PTPRJ: variants seen among roughly 807,000 people sequenced by gnomAD.
The protein encoded by PTPRJ is receptor-type tyrosine-protein phosphatase eta.
PTPRJ carries 129 observed loss-of-function variants against 141.3 expected under a neutral mutation model. The ratio of observed to expected loss-of-function variants is 0.91; its 90% CI spans 0.79 to 1.06. The LOEUF is 1.06. Among genes scored for constraint, PTPRJ ranks in the 50% least tolerant of loss-of-function variants. The probability of loss-of-function intolerance (pLI) is 0.00; values close to 1 mark genes in which losing one functional copy is unlikely to be tolerated. For missense variants in PTPRJ, 1,601 were observed against 1,679.7 expected (o/e 0.95, Z 0.82); for synonymous variants, 610 against 640.5 (o/e 0.95, Z 0.72).
intron 1 of PTPRJ, among the ~76,000 whole-genome samples, chr11:48,003,709 T>A (rs1429621299): frequency 6.6e-6 from 1 of 152,184 alleles, no homozygotes; most frequent in Non-Finnish European, 1.5e-5. Context: ...ATGGCCAGGC[T>A]GGTCTCGAAC....
intron 1 of PTPRJ, among the ~76,000 whole-genome samples, chr11:48,054,149 G>T (rs1854690419): frequency 6.6e-6 from 1 of 151,914 alleles, no homozygotes; most frequent in African/African-American, 2.4e-5. Flanking sequence ...GGCCAGGCTG[G>T]TCTTGAACAC....
chr11:48,015,099 T>C (rs978740648), intron 1 of PTPRJ, among the ~76,000 whole-genome samples: 3 of 152,028 alleles, frequency 2.0e-5, no homozygotes, highest in Non-Finnish European at 4.4e-5. Flanking sequence ...GATTATGTCA[T>C]CAAATTGCAA....
intron 1 of PTPRJ, among the ~76,000 whole-genome samples, chr11:47,986,277 G>A (rs1258467187): frequency 1.3e-5 from 2 of 152,168 alleles, no homozygotes; most frequent in Non-Finnish European, 2.9e-5. Context: ...GGAAAGACCT[G>A]GGTTTGGGTC....
intron 1 of PTPRJ, among the ~76,000 whole-genome samples, chr11:48,058,037 G>A (rs548963086): frequency 8.4e-4 from 128 of 151,820 alleles, no homozygotes; most frequent in African/African-American, 2.9e-3. Context: ...TCAGCCTCCC[G>A]AGTAGCTGGG....
intron 1 of PTPRJ, among the ~76,000 whole-genome samples, chr11:48,028,651 T>C (rs1369623573): frequency 6.6e-6 from 1 of 152,032 alleles, no homozygotes; most frequent in African/African-American, 2.4e-5. Flanking sequence ...ATTAGCCAGG[T>C]GTGGTGGCGG....
chr11:48,163,749 C>G, intron 23 of PTPRJ, 131 bp downstream of exon 23: 1 of 1,128,546 alleles, frequency 8.9e-7, no homozygotes, highest in Non-Finnish European at 1.3e-6. Context: ...GGATAAGGAA[C>G]CATGGACTTA....
rs1285170895 is a variant in PTPRJ, at chr11:48,149,981, A to G, written c.3042-9A>G. On this transcript the variant is annotated splice_polypyrimidine_tract_variant and intron_variant, in intron 16 of 24. Transcript: ENST00000418331. ...TTGCATATTTTTTCTTTCCCTTTCT[A>G]TCATGAAGACCTAAAAAGTGAGTAA... The G allele has an allele frequency of 1.1e-5, 16 of 1,457,658 alleles. No individual in the cohort carries two copies. The highest frequency in any genetic ancestry group is 1.8e-5 in the Admixed American group (1 of 56,080). 90.3% of individuals were successfully genotyped at this position (1,457,658 alleles called of 1,614,324 possible). A position where few individuals can be genotyped will look rare whatever the true frequency, so the allele number is the denominator to read the frequency against.
At chr11:48,051,082 G>T (rs1418447415) in intron 1 of PTPRJ, among the ~76,000 whole-genome samples, 1 of 120,370 alleles carries the variant, frequency 8.3e-6, no homozygotes, top group Non-Finnish European at 1.7e-5. Context: ...GTTAACTGAT[G>T]ACTTTTTTTT....
intron 16 of PTPRJ, 152 bp downstream of exon 16, chr11:48,149,640 G>T: frequency 5.2e-6 from 3 of 575,764 alleles, no homozygotes; most frequent in Admixed American, 3.9e-5. Flanking sequence ...TCTGTTTTCT[G>T]CAAGGAATCT....
intron 1 of PTPRJ, among the ~76,000 whole-genome samples, chr11:48,029,125 G>C (rs919009953): frequency 6.6e-6 from 1 of 152,172 alleles, no homozygotes; most frequent in African/African-American, 2.4e-5. Flanking sequence ...ATGCTGCCGG[G>C]AGTGCAGTGG....
intron 1 of PTPRJ, chr11:48,014,276 T>C (rs552092285): frequency 6.6e-6 from 1 of 152,328 alleles, no homozygotes; most frequent in South Asian, 2.1e-4. Context: ...TTTGGAGAAC[T>C]CTGGCCTGAA....
intron 1 of PTPRJ, among the ~76,000 whole-genome samples, chr11:48,056,577 A>G (rs904783324): frequency 1.3e-5 from 2 of 152,190 alleles, no homozygotes; most frequent in Non-Finnish European, 2.9e-5. Context: ...TATTCTTCCA[A>G]GTACTTTGCA....
At chr11:48,039,469 GT>G (rs1335968113) in intron 1 of PTPRJ, among the ~76,000 whole-genome samples, 3 of 114,498 alleles carry the variant, frequency 2.6e-5, no homozygotes, top group African/African-American at 9.5e-5. Flanking sequence ...ACTATGGTGT[GT>G]GTGTGTGTGT....
intron 18 of PTPRJ, among the ~76,000 whole-genome samples, chr11:48,153,010 C>G (rs1178714252): frequency 2.0e-5 from 3 of 152,164 alleles, no homozygotes; most frequent in Admixed American, 6.5e-5. Flanking sequence ...CATATCACCT[C>G]TACATTTCCA....
intron 19 of PTPRJ, 89 bp from the exon 20 acceptor site, chr11:48,155,712 T>G: frequency 9.6e-6 from 11 of 1,143,954 alleles, no homozygotes; most frequent in South Asian, 1.5e-5. Flanking sequence ...AGTTTTGCCA[T>G]TTTGAATTTC....
At chr11:48,097,542 T>G (rs868692327) in intron 1 of PTPRJ, among the ~76,000 whole-genome samples, 3 of 140,686 alleles carry the variant, frequency 2.1e-5, no homozygotes, top group African/African-American at 8.4e-5. Context: ...CTGAAGAAAA[T>G]TTTTTTTTTT....
intron 1 of PTPRJ, among the ~76,000 whole-genome samples, chr11:48,008,283 C>T (rs760179694): frequency 5.9e-5 from 9 of 152,184 alleles, no homozygotes; most frequent in East Asian, 1.9e-4. Context: ...TTTTTTGAGA[C>T]GGAGTCTCGC....
chr11:48,036,481 T>G (rs997402483), intron 1 of PTPRJ, among the ~76,000 whole-genome samples: 1 of 152,208 alleles, frequency 6.6e-6, no homozygotes, highest in African/African-American at 2.4e-5. Flanking sequence ...TTAAATCCCT[T>G]TCAATGTTAC....
chr11:48,025,719 G>A (rs1270259233), intron 1 of PTPRJ, among the ~76,000 whole-genome samples: 1 of 152,184 alleles, frequency 6.6e-6, no homozygotes, highest in Non-Finnish European at 1.5e-5. Flanking sequence ...TCCCTGTCTG[G>A]CATTCAAGGT....
Sources: allele counts gnomAD v4.1 joint callset (sites outside exome capture counted in the v4.1 genomes callset), GRCh38; gene constraint gnomAD v4.1.1; transcripts MANE v1.5; gene names NCBI Gene and HGNC (gene_info 2026-07-23, HGNC 2026-07-21).